SLC25A13: variants seen among roughly 807,000 people sequenced by gnomAD.
The protein encoded by SLC25A13 is electrogenic aspartate/glutamate antiporter SLC25A13, mitochondrial.
A neutral mutation model predicts 85.5 loss-of-function variants in SLC25A13; 70 were observed. The observed-to-expected ratio is 0.82, with a 90% confidence interval of 0.68 to 1.00. SLC25A13 has a LOEUF of 1.00. Among genes scored for constraint, SLC25A13 ranks in the 50% least tolerant of loss-of-function variants. SLC25A13 has a pLI of 0.00. For synonymous variants in SLC25A13, 259 were observed against 288.7 expected, an observed-to-expected ratio of 0.90 and a Z score of 1.04; for missense variants, 765 against 819.8, an observed-to-expected ratio of 0.93 and a Z score of 0.82.
chr7:96,276,564 A>C (rs1406852898), intron 3 of SLC25A13, among the ~76,000 whole-genome samples: 1 of 152,164 alleles, frequency 6.6e-6, no homozygotes, highest in Non-Finnish European at 1.5e-5. Flanking sequence ...CAGAAGTTGC[A>C]CTGAGCCAAG....
At chr7:96,232,333 G>A (rs1300594603) in intron 4 of SLC25A13, among the ~76,000 whole-genome samples, 1 of 151,862 alleles carries the variant, frequency 6.6e-6, no homozygotes, top group African/African-American at 2.4e-5. Context: ...AACTAATGTG[G>A]GAACAGAAAA....
chr7:96,235,362 C>T (rs190807824), intron 3 of SLC25A13, among the ~76,000 whole-genome samples: 1 of 152,246 alleles, frequency 6.6e-6, no homozygotes, highest in East Asian at 1.9e-4. Flanking sequence ...TATTTACTGA[C>T]CACCTGTGAA....
intron 13 of SLC25A13, among the ~76,000 whole-genome samples, chr7:96,165,865 C>T (rs1793719644): frequency 6.6e-6 from 1 of 152,092 alleles, no homozygotes; most frequent in Non-Finnish European, 1.5e-5. Flanking sequence ...TTGTGTTTTT[C>T]AAAATTTTTC....
chr7:96,202,340 C>T (rs960675555), intron 5 of SLC25A13, among the ~76,000 whole-genome samples: 24 of 152,098 alleles, frequency 1.6e-4, no homozygotes, highest in Non-Finnish European at 5.9e-5. Context: ...AAAATGAGGA[C>T]CAGAGTAAAA....
intron 14 of SLC25A13, among the ~76,000 whole-genome samples, chr7:96,146,323 C>T (rs1413819491): frequency 1.3e-5 from 2 of 151,978 alleles, no homozygotes; most frequent in African/African-American, 4.8e-5. Context: ...CTAGAGGGCA[C>T]GATTCCTATC....
intron 5 of SLC25A13, among the ~76,000 whole-genome samples, chr7:96,207,907 C>T (rs956155743): frequency 1.3e-5 from 2 of 152,060 alleles, no homozygotes; most frequent in African/African-American, 4.8e-5. Flanking sequence ...GCGCAAGTGC[C>T]CTTAGCACAC....
chr7:96,123,488 A>G (rs546325617), intron 15 of SLC25A13, among the ~76,000 whole-genome samples: 1 of 152,316 alleles, frequency 6.6e-6, no homozygotes, highest in African/African-American at 2.4e-5. Flanking sequence ...TGGCTAGGGT[A>G]ATTTTCATAA....
chr7:96,299,598 C>T (rs565578314), intron 1 of SLC25A13, among the ~76,000 whole-genome samples: 9 of 152,084 alleles, frequency 5.9e-5, no homozygotes, highest in African/African-American at 9.7e-5. Flanking sequence ...CATCTCTTAC[C>T]GTAGTGGCCT....
intron 3 of SLC25A13, among the ~76,000 whole-genome samples, chr7:96,255,766 T>A (rs1797610062): frequency 6.6e-6 from 1 of 152,014 alleles, no homozygotes; most frequent in South Asian, 2.1e-4. Context: ...GAAACATACC[T>A]AATCCCCAGA....
intron 2 of SLC25A13, 131 bp downstream of exon 2, chr7:96,296,767 C>T: frequency 2.3e-6 from 2 of 869,992 alleles, no homozygotes; most frequent in South Asian, 1.5e-5. Flanking sequence ...AGGCATGAGC[C>T]ACCGTGCCGG....
At chr7:96,141,830 A>G (rs1313171202) in intron 14 of SLC25A13, among the ~76,000 whole-genome samples, 1 of 152,228 alleles carries the variant, frequency 6.6e-6, no homozygotes, top group Admixed American at 6.5e-5. Flanking sequence ...AACTGGATAA[A>G]ATCTATTAAC....
At chr7:96,173,554 T>C (rs1374329655) in intron 11 of SLC25A13, among the ~76,000 whole-genome samples, 2 of 152,262 alleles carry the variant, frequency 1.3e-5, no homozygotes, top group Non-Finnish European at 2.9e-5. Flanking sequence ...CATTTGAGTT[T>C]GCAACGCTTC....
intron 15 of SLC25A13, among the ~76,000 whole-genome samples, chr7:96,128,939 G>T (rs868566247): frequency 6.1e-5 from 5 of 81,850 alleles, no homozygotes; most frequent in African/African-American, 1.7e-4. Context: ...TGCCTTGCTT[G>T]CTCTCTCTCT....
At chr7:96,124,437 G>C (rs1791641894) in intron 15 of SLC25A13, among the ~76,000 whole-genome samples, 1 of 152,142 alleles carries the variant, frequency 6.6e-6, no homozygotes, top group South Asian at 2.1e-4. Context: ...ATACTTTGAA[G>C]CTGAGAGATG....
At chr7:96,310,412 C>T (rs2117024169) in intron 1 of SLC25A13, among the ~76,000 whole-genome samples, 1 of 152,320 alleles carries the variant, frequency 6.6e-6, no homozygotes, top group Admixed American at 6.5e-5. Context: ...TTGGCAAGAA[C>T]ATTTTTAGGT....
chr7:96,277,650 A>G (rs951734576), intron 2 of SLC25A13, among the ~76,000 whole-genome samples: 1 of 152,186 alleles, frequency 6.6e-6, no homozygotes, highest in Non-Finnish European at 1.5e-5. Flanking sequence ...GGATGTTGCT[A>G]GACATCCAAC....
chr7:96,260,562 C>CAT (rs1797816896), intron 3 of SLC25A13, among the ~76,000 whole-genome samples: 1 of 152,106 alleles, frequency 6.6e-6, no homozygotes, highest in South Asian at 2.1e-4. Flanking sequence ...TCTAAGCATA[C>CAT]ATCTCACAGC....
chr7:96,189,865 A>C (rs1317145700), intron 7 of SLC25A13, among the ~76,000 whole-genome samples, 191 bp from the exon 8 acceptor site: 1 of 152,192 alleles, frequency 6.6e-6, no homozygotes, highest in Non-Finnish European at 1.5e-5. Context: ...CGTGTGCAGA[A>C]TATGTTCTTG....
chr7:96,298,906 G>A (rs1220678281), intron 1 of SLC25A13, among the ~76,000 whole-genome samples: 2 of 91,912 alleles, frequency 2.2e-5, no homozygotes, highest in South Asian at 2.8e-4. Flanking sequence ...AGGGTAGGAC[G>A]AACACAAGAG....
Sources: allele counts gnomAD v4.1 joint callset (sites outside exome capture counted in the v4.1 genomes callset), GRCh38; gene constraint gnomAD v4.1.1; transcripts MANE v1.5; gene names NCBI Gene and HGNC (gene_info 2026-07-23, HGNC 2026-07-21).